The following MICAL3 variants were observed in gnomAD, a reference collection of about 807,000 sequenced individuals.
MICAL3 encodes [F-actin]-monooxygenase MICAL3.
A neutral mutation model predicts 207.4 loss-of-function variants in MICAL3; 62 were observed. That is an observed-to-expected ratio of 0.30 (90% CI 0.24 to 0.37). The LOEUF (loss-of-function observed/expected upper bound fraction) is 0.37. Ranked by LOEUF, MICAL3 falls within the 10% of genes least tolerant of loss-of-function variation. MICAL3 has a pLI of 1.00. For missense variants in MICAL3, 2,368 were observed against 2,635.6 expected, an observed-to-expected ratio of 0.90 and a Z score of 2.22; for synonymous variants, 1,077 against 1,069.3, an observed-to-expected ratio of 1.01 and a Z score of -0.14.
At chr22:17,839,437 A>G (rs1923765759) in intron 20 of MICAL3, among the ~76,000 whole-genome samples, 1 of 148,568 alleles carries the variant, frequency 6.7e-6, no homozygotes, top group Non-Finnish European at 1.5e-5. Context: ...TTGTATTTTT[A>G]GTAGAGACAG....
intron 1 of MICAL3, among the ~76,000 whole-genome samples, chr22:17,930,913 C>T (rs1238580650): frequency 6.6e-6 from 1 of 152,246 alleles, no homozygotes; most frequent in African/African-American, 2.4e-5. Flanking sequence ...TCACAGGCCC[C>T]AGGCCTGCCA....
chr22:17,856,741 C>T (rs537637155), intron 19 of MICAL3, among the ~76,000 whole-genome samples: 1 of 151,604 alleles, frequency 6.6e-6, no homozygotes, highest in Admixed American at 6.6e-5. Flanking sequence ...CCTGCCTCAG[C>T]CTCCCGAGTA....
At chr22:17,861,874 A>G in intron 19 of MICAL3, 8 of 985,474 alleles carry the variant, frequency 8.1e-6, no homozygotes, top group Non-Finnish European at 7.2e-6. Context: ...CAATACTTTA[A>G]AGCCGACCTA....
At chr22:17,987,898 ACTC>A (rs1429283620) in intron 1 of MICAL3, among the ~76,000 whole-genome samples, 1 of 152,146 alleles carries the variant, frequency 6.6e-6, no homozygotes, top group Non-Finnish European at 1.5e-5. Flanking sequence ...GAGTGCCTGC[ACTC>A]CTCCTGCAAC....
At chr22:17,812,970 C>A (rs1273618685) in intron 27 of MICAL3, 3 of 152,118 alleles carry the variant, frequency 2.0e-5, no homozygotes, top group East Asian at 1.9e-4. Flanking sequence ...GCTGAATGCT[C>A]CGGGGGAGTA....
rs1160330262 is a variant in MICAL3 at position 17,841,311 on chromosome 22, GA to G, written c.2801+510del. 2 of 185,676 alleles carry G rather than the reference GA, an allele frequency of 1.1e-5. No individual in the cohort carries two copies. The highest frequency in any genetic ancestry group is 4.7e-5 in the African/African-American group (2 of 42,996). 11.5% of individuals were successfully genotyped at this position (185,676 alleles called of 1,614,324 possible). A position where few individuals can be genotyped will look rare whatever the true frequency, so the allele number is the denominator to read the frequency against. On this transcript the variant is annotated intron_variant, in intron 20 of 31. Transcript: ENST00000441493. This position sits in a 1 kb window ranked among gnomAD's most constrained non-coding sequence, Gnocchi z 4.2. ...CATCCCCAAAGGTGTCACCCAGCTGGATGTGATTACAGCTCTGGAACTGCCT... is the reference window on the plus strand; with the variant it reads ...CATCCCCAAAGGTGTCACCCAGCTGGTGTGATTACAGCTCTGGAACTGCCT...
chr22:17,937,297 G>C (rs1933582412), intron 1 of MICAL3, among the ~76,000 whole-genome samples: 1 of 152,140 alleles, frequency 6.6e-6, no homozygotes, highest in African/African-American at 2.4e-5. Context: ...AATTCTCCAA[G>C]GATGTTATTT....
intron 1 of MICAL3, among the ~76,000 whole-genome samples, chr22:17,968,909 T>A (rs1378978183): frequency 1.3e-5 from 2 of 152,250 alleles, no homozygotes; most frequent in Non-Finnish European, 2.9e-5. Context: ...AATGGTCTCA[T>A]GGGTAAATTA....
In MICAL3 at chr22:17,831,867, T is replaced by TTCCTCCTCCTCGTCATAG. The variant is rs2146043398; in HGVS notation, c.3024_3041dup (p.Asp1008_Glu1013dup). On this transcript the variant is annotated inframe_insertion, in exon 21 of 32. Transcript: ENST00000441493. The stretch of plus-strand genomic sequence containing the variant: ...TTTTGTTCTGACCTTCACTGGACTC[T>TTCCTCCTCCTCGTCATAG]TCCTCCTCCTCGTCATAGTCCTCCT... 2 of 1,552,508 alleles carry TTCCTCCTCCTCGTCATAG rather than the reference T, an allele frequency of 1.3e-6. No homozygotes were observed. Among genetic ancestry groups the TTCCTCCTCCTCGTCATAG allele is most frequent in the East Asian group, 2.4e-5 (1 of 41,002 alleles).
intron 1 of MICAL3, among the ~76,000 whole-genome samples, chr22:17,957,517 C>T (rs1934675680): frequency 6.6e-6 from 1 of 152,108 alleles, no homozygotes; most frequent in African/African-American, 2.4e-5. Context: ...CTAGACCAGT[C>T]TGGGCAACAT....
At chr22:17,862,066 A>C (rs1926573220) in intron 19 of MICAL3, 1 of 985,292 alleles carries the variant, frequency 1.0e-6, no homozygotes, top group East Asian at 1.1e-4. Context: ...GCCCAGTCAT[A>C]GCTTTACCAG....
chr22:17,859,803 G>T (rs1426547442), intron 19 of MICAL3, among the ~76,000 whole-genome samples: 9 of 152,292 alleles, frequency 5.9e-5, no homozygotes, highest in Non-Finnish European at 1.2e-4. Flanking sequence ...ACCAGGCTCT[G>T]TGTGGCATTT....
At chr22:17,794,590 T>C (rs956069425) in intron 29 of MICAL3, among the ~76,000 whole-genome samples, 2 of 152,128 alleles carry the variant, frequency 1.3e-5, no homozygotes, top group African/African-American at 4.8e-5. Context: ...GTCCCCTCTC[T>C]CCCCCAGGAA....
At chr22:17,866,777 C>T (rs759406998) in intron 17 of MICAL3, among the ~76,000 whole-genome samples, 40 of 152,332 alleles carry the variant, frequency 2.6e-4, no homozygotes, top group African/African-American at 5.8e-4. Flanking sequence ...CGTGCATCCC[C>T]GTGGGGGGTG....
chr22:17,810,275 G>A (rs990271519), intron 28 of MICAL3, among the ~76,000 whole-genome samples: 4 of 152,108 alleles, frequency 2.6e-5, no homozygotes, highest in African/African-American at 9.7e-5. Flanking sequence ...GTGTTAGCCA[G>A]GATGGTCTCA....
chr22:17,969,987 A>G (rs1378340167), intron 1 of MICAL3, among the ~76,000 whole-genome samples: 1 of 152,216 alleles, frequency 6.6e-6, no homozygotes, highest in African/African-American at 2.4e-5. Context: ...GAGGCCACAT[A>G]GTCGGTAATC....
At position 17,901,392 on chromosome 22, in the gene MICAL3, G is replaced by A. The variant is rs536746427; in HGVS notation, c.692-395C>T. 3.9e-5 allele frequency among the ~76,000 whole-genome samples: 6 copies of A among 152,264 alleles called. No homozygotes were observed. In the South Asian group the frequency reaches 1.2e-3, roughly 32 times the overall value. On this transcript the variant is annotated intron_variant, in intron 5 of 31. Transcript: ENST00000441493. The stretch of plus-strand genomic sequence containing the variant: ...GAGTGCCCTGTAAGCAGCAGCCTGG[G>A]CCAGGTGAGGTGGTTCACGCCTGTA...
In MICAL3 at chr22:17,885,978, A is replaced by G. The variant is rs756383055; in HGVS notation, c.2141T>C (p.Val714Ala). ...CACTTTGTTCTGGTTCCCAACGGCAACGTCCATCCTCCTGTCTGTCAGAGT... is the reference window on the plus strand; with the variant it reads ...CACTTTGTTCTGGTTCCCAACGGCAGCGTCCATCCTCCTGTCTGTCAGAGT... ...VSTLTDRRMD[V>A]AVGNQNKVKY... The change falls in exon 16 of 32, where the codon GTT (valine) becomes GCT (alanine). Residue 714 changes from valine to alanine, a missense_variant. Val to Ala is a moderately conservative substitution (Grantham distance 64). This residue lies in a region of MICAL3 where 1,770 missense variants were observed against 1,863.2 expected (regional missense o/e 0.95). Coordinates refer to ENST00000441493, the MANE Select transcript of MICAL3 (RefSeq NM_015241.3). The G allele has an allele frequency of 6.2e-7, 1 of 1,614,034 alleles. No individual in the cohort carries two copies. The highest frequency in any genetic ancestry group is 1.3e-5 in the African/African-American group (1 of 75,062).
intron 29 of MICAL3, among the ~76,000 whole-genome samples, chr22:17,799,460 A>G (rs1282387523): frequency 1.3e-5 from 2 of 152,210 alleles, no homozygotes; most frequent in African/African-American, 2.4e-5. Flanking sequence ...GGGCCACCGT[A>G]GATTTTCCAC....
Sources: allele counts gnomAD v4.1 joint callset (sites outside exome capture counted in the v4.1 genomes callset), GRCh38; gene constraint gnomAD v4.1.1; regional missense constraint gnomAD v4.1.1; non-coding constraint Gnocchi (gnomAD v3.1); transcripts MANE v1.5; gene names NCBI Gene and HGNC (gene_info 2026-07-23, HGNC 2026-07-21).